The following MTOR variants were observed in gnomAD, a reference collection of about 807,000 sequenced individuals.
MTOR encodes serine/threonine-protein kinase mTOR.
MTOR carries 70 observed loss-of-function variants against 319.8 expected under a neutral mutation model. The observed-to-expected ratio is 0.22, with a 90% CI of 0.18 to 0.27. The LOEUF is 0.27. MTOR is among the 10% of genes least tolerant of loss of function. The probability of loss-of-function intolerance (pLI) is 1.00; values close to 1 mark genes in which losing one functional copy is unlikely to be tolerated. For missense variants in MTOR, 1,890 were observed against 3,274.4 expected (o/e 0.58, Z 10.32); for synonymous variants, 1,183 against 1,211.4 (o/e 0.98, Z 0.49).
chr1:11,228,269 A>ACCTCTACCTC (rs1646910436), intron 19 of MTOR, among the ~76,000 whole-genome samples: 7 of 151,738 alleles, frequency 4.6e-5, no homozygotes. Context: ...GCTCACTGCA[A>ACCTCTACCTC]CCTCTACCTC....
At position 11,164,460 on chromosome 1, in the gene MTOR, T is replaced by C. The variant is rs187571897; in HGVS notation, c.4329+2982A>G. Among the ~76,000 whole-genome samples the C allele has an allele frequency of 4.3e-3, 646 of 151,146 alleles. 6 individuals carry two copies. Among genetic ancestry groups the C allele is most frequent in the African/African-American group, 0.015 (610 of 41,160 alleles). The stretch of plus-strand genomic sequence containing the variant: ...TACAAACTACCATCAGAGAATACTA[T>C]AAACACCTCAACACAAATAAACTAG... On this transcript the variant is annotated intron_variant, in intron 29 of 57. Transcript: ENST00000361445.
intron 19 of MTOR, among the ~76,000 whole-genome samples, chr1:11,222,545 AGGTTG>A (rs1646703546): frequency 6.6e-6 from 1 of 152,008 alleles, no homozygotes; most frequent in Non-Finnish European, 1.5e-5. Context: ...TATGCTGCCC[AGGTTG>A]GTCTTACACT....
intron 23 of MTOR, among the ~76,000 whole-genome samples, chr1:11,211,898 C>T (rs891245170): frequency 3.9e-5 from 6 of 152,146 alleles, no homozygotes; most frequent in African/African-American, 1.4e-4. Flanking sequence ...TTAGCACTTG[C>T]TATTTCTTCT....
At position 11,250,233 on chromosome 1, in the gene MTOR, C is replaced by CG. The variant is rs1236174950; in HGVS notation, c.841-2140_841-2139insC. Among the ~76,000 whole-genome samples the CG allele has an allele frequency of 1.3e-3, 162 of 129,484 alleles. 24 individuals are homozygous for CG. In the East Asian group the frequency reaches 0.036, roughly 29 times the overall value. The allele number at this position is 129,484 out of a possible 152,430, so 84.9% of individuals were successfully genotyped here. ...CTGGCCGGGCGGGGGGCTGACCCCC[C>CG]ACCTCCCTCCCGGACGGGGCGGCTG... On this transcript the variant is annotated intron_variant, in intron 6 of 57. Coordinates refer to ENST00000361445, the MANE Select transcript of MTOR (RefSeq NM_004958.4).
intron 6 of MTOR, among the ~76,000 whole-genome samples, chr1:11,249,900 T>C (rs1264965232): frequency 6.6e-6 from 1 of 151,338 alleles, no homozygotes; most frequent in Non-Finnish European, 1.5e-5. Context: ...AAACCGCCAC[T>C]GTCATCATGG....
intron 38 of MTOR, chr1:11,130,995 A>G (rs1643121877): frequency 1.6e-6 from 1 of 622,486 alleles, no homozygotes. Context: ...CTATGAGTGC[A>G]CTGCGAGAAG....
At position 11,130,653 on chromosome 1, in the gene MTOR, GTGGTGGCGT is replaced by G; in HGVS notation, c.5480_5488del (p.Asn1827_Thr1829del). 6.2e-7 allele frequency: 1 copy of G among 1,613,384 alleles called. No individual in the cohort carries two copies. The highest frequency in any genetic ancestry group is 8.5e-7 in the Non-Finnish European group (1 of 1,179,742). On this transcript the variant is annotated inframe_deletion, in exon 39 of 58. Coordinates refer to ENST00000361445, the MANE Select transcript of MTOR (RefSeq NM_004958.4). ...GGCAGTGGCGGCCGTGGTGGCGGCAGTGGTGGCGTTGGTGATGTTGGCCCCGCTGGCATG... is the reference window on the plus strand; with the variant it reads ...GGCAGTGGCGGCCGTGGTGGCGGCAGTGGTGATGTTGGCCCCGCTGGCATG...
intron 31 of MTOR, 40 bp from the exon 32 acceptor site, chr1:11,146,831 G>C: frequency 2.1e-6 from 3 of 1,459,244 alleles, no homozygotes; most frequent in Non-Finnish European, 2.9e-6. Context: ...CAAGGGGGTT[G>C]GCTGGTTGGG....
intron 29 of MTOR, among the ~76,000 whole-genome samples, chr1:11,157,914 T>G (rs1015870315): frequency 3.3e-5 from 5 of 152,200 alleles, no homozygotes; most frequent in Admixed American, 6.5e-5. Flanking sequence ...TTTCCCCTAT[T>G]CTTCTAGAGT....
intron 28 of MTOR, among the ~76,000 whole-genome samples, chr1:11,191,275 T>C (rs191735593): frequency 6.3e-4 from 96 of 152,300 alleles, no homozygotes; most frequent in Non-Finnish European, 1.0e-3. Flanking sequence ...TTATATTCTA[T>C]AAGTAGGTAG....
chr1:11,112,744 G>A (rs1487277913), intron 54 of MTOR, 108 bp downstream of exon 54: 5 of 1,139,464 alleles, frequency 4.4e-6, no homozygotes, highest in Middle Eastern at 4.1e-4. Context: ...AAGGGGGAGA[G>A]CCTCTGTAAC....
intron 25 of MTOR, among the ~76,000 whole-genome samples, chr1:11,207,128 T>C (rs1646161803): frequency 6.6e-6 from 1 of 152,198 alleles, no homozygotes. Context: ...AGACAGGGTC[T>C]TGCTCTGTTG....
At chr1:11,235,944 T>C (rs1051642612) in intron 13 of MTOR, among the ~76,000 whole-genome samples, 4 of 150,814 alleles carry the variant, frequency 2.7e-5, no homozygotes, top group African/African-American at 9.8e-5. Context: ...ATCACACTAC[T>C]GCACTCCAGC....
chr1:11,123,758 T>C (rs1642666537), intron 47 of MTOR, among the ~76,000 whole-genome samples: 1 of 152,088 alleles, frequency 6.6e-6, no homozygotes, highest in Non-Finnish European at 1.5e-5. Flanking sequence ...TGAGCCACCA[T>C]GCCTGGCCAC....
chr1:11,240,159 G>T, intron 11 of MTOR, 144 bp downstream of exon 11: 1 of 1,165,904 alleles, frequency 8.6e-7, no homozygotes, highest in Non-Finnish European at 1.2e-6. Flanking sequence ...CGTGGAAAGA[G>T]TCTAGGAAGG....
At chr1:11,203,174 C>T (rs1399495420) in intron 26 of MTOR, among the ~76,000 whole-genome samples, 3 of 152,032 alleles carry the variant, frequency 2.0e-5, no homozygotes, top group Non-Finnish European at 2.9e-5. Context: ...AATTGCGCCA[C>T]TGCACTCCAG....
chr1:11,156,614 A>AT (rs1644326268), intron 30 of MTOR, among the ~76,000 whole-genome samples: 1 of 152,098 alleles, frequency 6.6e-6, no homozygotes, highest in Admixed American at 6.6e-5. Context: ...CTCACACATT[A>AT]TCAACATCCT....
intron 39 of MTOR, among the ~76,000 whole-genome samples, chr1:11,130,283 C>T (rs984089080): frequency 2.6e-5 from 4 of 152,218 alleles, no homozygotes; most frequent in African/African-American, 7.2e-5. Flanking sequence ...AGAATGAGCT[C>T]GTCCACAGGG....
chr1:11,181,505 A>AC (rs971467579), intron 28 of MTOR, among the ~76,000 whole-genome samples: 4 of 152,204 alleles, frequency 2.6e-5, no homozygotes, highest in African/African-American at 9.7e-5. Context: ...AGCCTGGGCG[A>AC]CAGAGCCAGA....
Sources: gnomAD v4.1 joint callset for allele counts (sites outside exome capture counted in the v4.1 genomes callset) on GRCh38, gnomAD v4.1.1 for gene constraint, MANE v1.5 for transcripts, NCBI Gene and HGNC (gene_info 2026-07-23, HGNC 2026-07-21) for gene names.